THADA: variants seen among roughly 807,000 people sequenced by gnomAD.
THADA encodes tRNA (32-2'-O)-methyltransferase regulator THADA.
A neutral mutation model predicts 219.8 loss-of-function variants in THADA; 213 were observed. The ratio of observed to expected loss-of-function variants is 0.97; its 90% CI spans 0.87 to 1.09. The LOEUF (loss-of-function observed/expected upper bound fraction) is 1.09, where lower values mean the gene tolerates loss of function less well. THADA is among the 50% of genes least tolerant of loss of function. THADA has a pLI of 0.00. For synonymous variants in THADA, 1,018 were observed against 828.9 expected (o/e 1.23, Z -3.92); for missense variants, 2,956 against 2,311.3 (o/e 1.28, Z -5.72).
chr2:43,482,996 A>T (rs1686420190), intron 26 of THADA, among the ~76,000 whole-genome samples: 1 of 152,172 alleles, frequency 6.6e-6, no homozygotes, highest in Admixed American at 6.6e-5. Context: ...TGGCAGCAAA[A>T]TGCCTAGAAA....
chr2:43,576,289 T>C (rs6731009), intron 10 of THADA, among the ~76,000 whole-genome samples: 51,062 of 152,098 alleles, frequency 0.34, 8,783 homozygotes, highest in South Asian at 0.39. Flanking sequence ...GCTGTATATA[T>C]GTTTCGACAT....
In THADA at chr2:43,587,022, T is replaced by C; in HGVS notation, c.303-20A>G. 1 of 1,606,614 alleles carries C rather than the reference T, an allele frequency of 6.2e-7. No individual in the cohort carries two copies. The highest frequency in any genetic ancestry group is 8.5e-7 in the Non-Finnish European group (1 of 1,176,342). On this transcript the variant is annotated intron_variant, in intron 4 of 37. Transcript: ENST00000405975. ...AGTGAGCTAGAAAAAGAAACAAATA[T>C]TAAAAATCTGACAATCTAATAGCCC... is the stretch of plus-strand genomic sequence containing the variant.
chr2:43,486,164 C>T (rs1686897589), intron 25 of THADA, among the ~76,000 whole-genome samples: 1 of 151,976 alleles, frequency 6.6e-6, no homozygotes, highest in African/African-American at 2.4e-5. Flanking sequence ...TAGTTAAATC[C>T]AAAATGTTGC....
chr2:43,452,389 T>A (rs1047645215), intron 26 of THADA, among the ~76,000 whole-genome samples: 2 of 152,144 alleles, frequency 1.3e-5, no homozygotes, highest in African/African-American at 4.8e-5. Context: ...AGAAAACTGA[T>A]ACCCAAGGAA....
At chr2:43,391,778 G>C (rs1673414239) in intron 29 of THADA, 2 of 152,316 alleles carry the variant, frequency 1.3e-5, no homozygotes, top group South Asian at 2.1e-4. Flanking sequence ...AGAGCTGAAG[G>C]AATCAATAAA....
chr2:43,574,566 G>T lies in THADA; in HGVS notation c.1499C>A (p.Thr500Asn), dbSNP rs780109636. Residue 500 changes from threonine to asparagine, a missense_variant, in exon 11 of 38, where the codon ACC (threonine) becomes AAC (asparagine). Coordinates refer to ENST00000405975, the MANE Select transcript of THADA (RefSeq NM_022065.5). ...LVPYASDLLE[T>N]MFRNHKSHLK... Reference sequence around the variant, plus strand: ...ATGACTCTTATGATTTCTAAACATGGTTTCCAAGAGGTCACTTGCATAAGG... The same window carrying T: ...ATGACTCTTATGATTTCTAAACATGTTTTCCAAGAGGTCACTTGCATAAGG... The T allele has an allele frequency of 6.2e-7, 1 of 1,613,830 alleles. No individual in the cohort carries two copies. Among genetic ancestry groups the T allele is most frequent in the African/African-American group, 1.3e-5 (1 of 74,912 alleles).
chr2:43,241,993 C>T (rs1000228280), intron 36 of THADA, among the ~76,000 whole-genome samples: 1 of 152,214 alleles, frequency 6.6e-6, no homozygotes, highest in Non-Finnish European at 1.5e-5. Context: ...GGCTTTGATT[C>T]ACTCACCATT....
At chr2:43,337,126 G>A (rs543105194) in intron 30 of THADA, among the ~76,000 whole-genome samples, 11 of 152,348 alleles carry the variant, frequency 7.2e-5, no homozygotes, top group African/African-American at 2.6e-4. Context: ...TGACCCGAAT[G>A]CACTGTCAGT....
intron 29 of THADA, among the ~76,000 whole-genome samples, chr2:43,365,993 G>A (rs1670103946): frequency 6.6e-6 from 1 of 152,176 alleles, no homozygotes; most frequent in Non-Finnish European, 1.5e-5. Flanking sequence ...TAAAGCAAGT[G>A]ACTAACGTGA....
intron 26 of THADA, among the ~76,000 whole-genome samples, chr2:43,448,763 CT>C (rs1320917718): frequency 6.6e-6 from 1 of 151,952 alleles, no homozygotes; most frequent in Non-Finnish European, 1.5e-5. Flanking sequence ...GGCAGACCCC[CT>C]GACACAGACA....
chr2:43,412,455 T>G (rs1020829419), intron 28 of THADA, among the ~76,000 whole-genome samples: 2 of 152,228 alleles, frequency 1.3e-5, no homozygotes, highest in Admixed American at 6.5e-5. Flanking sequence ...CTGTTCATTT[T>G]CATGATTTCA....
At chr2:43,351,056 T>G (rs1366027913) in intron 29 of THADA, among the ~76,000 whole-genome samples, 1 of 152,118 alleles carries the variant, frequency 6.6e-6, no homozygotes, top group Non-Finnish European at 1.5e-5. Context: ...TCCTTTCTAT[T>G]AACACTCCCA....
At chr2:43,501,722 T>C (rs1689005103) in intron 24 of THADA, among the ~76,000 whole-genome samples, 1 of 152,188 alleles carries the variant, frequency 6.6e-6, no homozygotes, top group African/African-American at 2.4e-5. Context: ...AGCGGGCAGA[T>C]CACTTGAGGT....
At chr2:43,434,556 A>G (rs1186167855) in intron 26 of THADA, among the ~76,000 whole-genome samples, 2 of 152,170 alleles carry the variant, frequency 1.3e-5, no homozygotes, top group Admixed American at 6.5e-5. Context: ...AGGAACACAC[A>G]AGCGGCTGGA....
intron 21 of THADA, 22 bp from the exon 22 acceptor site, chr2:43,528,010 A>G (rs776043709): frequency 1.9e-6 from 3 of 1,569,238 alleles, no homozygotes; most frequent in Non-Finnish European, 8.8e-7. Context: ...AAGCAAAAAC[A>G]AATGTCCGAT....
intron 25 of THADA, among the ~76,000 whole-genome samples, chr2:43,489,823 T>G (rs1687390419): frequency 6.7e-6 from 1 of 149,004 alleles, no homozygotes; most frequent in Non-Finnish European, 1.5e-5. Flanking sequence ...TTTTCAAGAT[T>G]GTTTTGGCTA....
chr2:43,317,902 T>C (rs528983041), intron 31 of THADA, among the ~76,000 whole-genome samples: 69 of 152,332 alleles, frequency 4.5e-4, no homozygotes, highest in Non-Finnish European at 7.9e-4. Flanking sequence ...ATTAATAATG[T>C]TACTGTAATG....
intron 19 of THADA, among the ~76,000 whole-genome samples, chr2:43,550,088 T>C (rs1175328864): frequency 6.6e-6 from 1 of 152,200 alleles, no homozygotes; most frequent in East Asian, 1.9e-4. Flanking sequence ...TGCAACACTT[T>C]GTTCATTACT....
At chr2:43,421,436 T>C (rs1418434998) in intron 28 of THADA, among the ~76,000 whole-genome samples, 4 of 152,180 alleles carry the variant, frequency 2.6e-5, no homozygotes, top group African/African-American at 9.7e-5. Flanking sequence ...GGCAGGAAGT[T>C]CTATGTCAAC....
Sources: allele counts gnomAD v4.1 joint callset (sites outside exome capture counted in the v4.1 genomes callset), GRCh38; gene constraint gnomAD v4.1.1; transcripts MANE v1.5; gene names NCBI Gene and HGNC (gene_info 2026-07-23, HGNC 2026-07-21).